PLXNA4: variants seen among roughly 807,000 people sequenced by gnomAD.
PLXNA4 encodes the protein plexin-A4.
PLXNA4 carries 44 observed loss-of-function variants against 191.8 expected under a neutral mutation model. The observed-to-expected ratio is 0.23, with a 90% CI of 0.18 to 0.29. PLXNA4 has a LOEUF of 0.29. Ranked by LOEUF, PLXNA4 falls within the 10% of genes least tolerant of loss-of-function variation. The pLI, the probability that PLXNA4 is intolerant of heterozygous loss-of-function variation, is 1.00. For missense variants in PLXNA4, 1,800 were observed against 2,488.8 expected, an observed-to-expected ratio of 0.72 and a Z score of 5.89; for synonymous variants, 1,082 against 1,009.5, an observed-to-expected ratio of 1.07 and a Z score of -1.36.
chr7:132,412,671 G>T (rs1317070363), intron 3 of PLXNA4, among the ~76,000 whole-genome samples: 1 of 152,196 alleles, frequency 6.6e-6, no homozygotes, highest in Non-Finnish European at 1.5e-5. Flanking sequence ...ATTAATTTCT[G>T]TTTACATCTA....
At chr7:132,453,799 C>T (rs1796216908) in intron 3 of PLXNA4, among the ~76,000 whole-genome samples, 1 of 152,216 alleles carries the variant, frequency 6.6e-6, no homozygotes, top group South Asian at 2.1e-4. Context: ...CTTGGCCTCC[C>T]AAAGTGCTGG....
rs188830585 is a variant in PLXNA4 at position 132,528,249 on chromosome 7, C to T, written c.-86-19470G>A. ...ACCAGGAAGGTGAACTCCCAGGAGG[C>T]GCAGCAGTTGGACACGAGGCTTCTC... On this transcript the variant is annotated intron_variant, in intron 1 of 31. Coordinates refer to ENST00000321063, the MANE Select transcript of PLXNA4 (RefSeq NM_020911.2). Among the ~76,000 whole-genome samples, 52 of 152,250 alleles carry T rather than the reference C, an allele frequency of 3.4e-4. 2 individuals are homozygous for T. In the East Asian group the frequency reaches 8.9e-3, roughly 26 times the overall value.
chr7:132,645,174 C>T (rs1803843167), intron 2 of PLXNA4, among the ~76,000 whole-genome samples: 1 of 152,202 alleles, frequency 6.6e-6, no homozygotes, highest in Admixed American at 6.5e-5. Context: ...TTCCTTTGCC[C>T]TCATTTCATG....
At chr7:132,588,141 G>A (rs1449720002) in intron 2 of PLXNA4, among the ~76,000 whole-genome samples, 1 of 151,976 alleles carries the variant, frequency 6.6e-6, no homozygotes. Flanking sequence ...AGAGGCCTCA[G>A]GCGATGAACT....
At chr7:132,228,524 G>A in intron 5 of PLXNA4, 55 bp from the exon 6 acceptor site, 6 of 1,604,006 alleles carry the variant, frequency 3.7e-6, no homozygotes, top group Non-Finnish European at 5.1e-6. Flanking sequence ...GTCCAGGGAG[G>A]GGCGGATGCT....
At chr7:132,179,613 TA>T in intron 20 of PLXNA4, 73 bp downstream of exon 20, 1 of 1,559,088 alleles carries the variant, frequency 6.4e-7, no homozygotes, top group Non-Finnish European at 8.7e-7. Context: ...TGCATACACA[TA>T]CACAGATGTG....
At chr7:132,624,807 A>G (rs1038316402) in intron 2 of PLXNA4, among the ~76,000 whole-genome samples, 15 of 152,130 alleles carry the variant, frequency 9.9e-5, no homozygotes, top group East Asian at 9.7e-4. Context: ...TTTAGAATCA[A>G]TTTCACCATA....
Position 132,347,046 on chromosome 7 carries a change from C to T in PLXNA4, c.1372-48824G>A, listed in dbSNP as rs560214685. On this transcript the variant is annotated intron_variant, in intron 3 of 31. Transcript: ENST00000321063. ...AAATAACATGGATGTTCCTCTGATTCCATTTTTTTTCTTCTTTCTCTGATT... is the reference window on the plus strand; with the variant it reads ...AAATAACATGGATGTTCCTCTGATTTCATTTTTTTTCTTCTTTCTCTGATT... Among the ~76,000 whole-genome samples the T allele has an allele frequency of 3.3e-5, 5 of 152,272 alleles. No individual in the cohort carries two copies. In the East Asian group the frequency reaches 7.7e-4, roughly 24 times the overall value.
chr7:132,252,304 T>TTG, intron 4 of PLXNA4, among the ~76,000 whole-genome samples: 1 of 21,410 alleles, frequency 4.7e-5, no homozygotes, highest in African/African-American at 2.2e-4. Context: ...TAAAAGTTTT[T>TTG]TTTTTTTTTT....
rs1231544728 is a variant in PLXNA4, at chr7:132,512,592, G to C, written c.-86-3813C>G. ...AAACAAATAAGAGAGAAATGGAAGA[G>C]AAAAGGGGAAAATAAGGATGTGAGC... On this transcript the variant is annotated intron_variant, in intron 1 of 31. Coordinates refer to ENST00000321063, the MANE Select transcript of PLXNA4 (RefSeq NM_020911.2). Among the ~76,000 whole-genome samples the C allele has an allele frequency of 7.2e-5, 11 of 152,284 alleles. No homozygotes were observed. The East Asian group carries it at 2.1e-3, about 29-fold the overall frequency.
At chr7:132,510,524 G>A (rs944507257) in intron 1 of PLXNA4, among the ~76,000 whole-genome samples, 1 of 152,214 alleles carries the variant, frequency 6.6e-6, no homozygotes, top group African/African-American at 2.4e-5. Context: ...GGCCCAAGGA[G>A]CAGATCCTCA....
chr7:132,482,134 A>G (rs1797361816), intron 3 of PLXNA4, among the ~76,000 whole-genome samples: 1 of 152,160 alleles, frequency 6.6e-6, no homozygotes, highest in Admixed American at 6.5e-5. Flanking sequence ...GCCCCCAGTG[A>G]TCCCCACCTC....
intron 3 of PLXNA4, among the ~76,000 whole-genome samples, chr7:132,432,622 A>T (rs1351838498): frequency 6.6e-6 from 1 of 152,148 alleles, no homozygotes; most frequent in African/African-American, 2.4e-5. Context: ...GGACTATTTC[A>T]CAGATGGAAA....
chr7:132,299,798 G>C (rs1372060145), intron 3 of PLXNA4, among the ~76,000 whole-genome samples: 1 of 152,164 alleles, frequency 6.6e-6, no homozygotes, highest in Non-Finnish European at 1.5e-5. Context: ...CTGCCACAGT[G>C]ATTAAGAGAA....
chr7:132,174,065 C>T (rs953805648), intron 21 of PLXNA4, among the ~76,000 whole-genome samples: 1 of 152,172 alleles, frequency 6.6e-6, no homozygotes, highest in Non-Finnish European at 1.5e-5. Flanking sequence ...TTAAACTGTG[C>T]TAAGATGTTA....
chr7:132,210,011 T>C (rs568859269), intron 10 of PLXNA4, among the ~76,000 whole-genome samples: 9 of 152,346 alleles, frequency 5.9e-5, no homozygotes, highest in African/African-American at 7.2e-5. Context: ...GTTGTACTTA[T>C]TATATTTTGG....
intron 3 of PLXNA4, among the ~76,000 whole-genome samples, chr7:132,408,344 C>T (rs190385310): frequency 4.6e-5 from 7 of 152,080 alleles, no homozygotes; most frequent in Admixed American, 3.9e-4. Flanking sequence ...TAGCTGCAGG[C>T]GGTGGCATTC....
At chr7:132,619,069 G>A (rs1803210640) in intron 2 of PLXNA4, among the ~76,000 whole-genome samples, 1 of 152,156 alleles carries the variant, frequency 6.6e-6, no homozygotes, top group South Asian at 2.1e-4. Flanking sequence ...GGCTCAGAAG[G>A]AAATGACTCA....
chr7:132,189,388 T>A (rs537084477), intron 14 of PLXNA4, among the ~76,000 whole-genome samples: 6 of 152,224 alleles, frequency 3.9e-5, no homozygotes, highest in Non-Finnish European at 8.8e-5. Flanking sequence ...CTTGGCTCCA[T>A]GAATGGAGGT....
Sources: allele counts gnomAD v4.1 joint callset (sites outside exome capture counted in the v4.1 genomes callset), GRCh38; gene constraint gnomAD v4.1.1; transcripts MANE v1.5; gene names NCBI Gene and HGNC (gene_info 2026-07-23, HGNC 2026-07-21).